The following NALCN variants were observed in gnomAD, a reference collection of about 807,000 sequenced individuals.
The protein encoded by NALCN is sodium leak channel, non-selective, also known as sodium leak channel NALCN.
A neutral mutation model predicts 225.3 loss-of-function variants in NALCN; 111 were observed. The observed-to-expected ratio is 0.49, with a 90% confidence interval of 0.42 to 0.58. The LOEUF (loss-of-function observed/expected upper bound fraction) is 0.58, where lower values mean the gene tolerates loss of function less well. Ranked by LOEUF, NALCN falls within the 20% of genes least tolerant of loss-of-function variation. The pLI is 0.00. For synonymous variants in NALCN, 764 were observed against 769.0 expected (o/e 0.99, Z 0.11); for missense variants, 1,378 against 2,202.4 (o/e 0.63, Z 7.49).
At chr13:101,399,659 G>T (rs1384959404) in intron 1 of NALCN, among the ~76,000 whole-genome samples, 1 of 152,138 alleles carries the variant, frequency 6.6e-6, no homozygotes. Context: ...AACTTGGGAG[G>T]GGAGGGAGGT....
intron 26 of NALCN, 110 bp from the exon 27 acceptor site, chr13:101,100,998 G>T (rs1299234716): frequency 1.2e-6 from 1 of 863,868 alleles, no homozygotes; most frequent in Non-Finnish European, 1.7e-6. Context: ...TAAAAATCAT[G>T]GGTTTTTGAT....
At chr13:101,228,212 C>A (rs1180453856) in intron 13 of NALCN, among the ~76,000 whole-genome samples, 1 of 152,138 alleles carries the variant, frequency 6.6e-6, no homozygotes, top group Non-Finnish European at 1.5e-5. Flanking sequence ...AATTCCAACA[C>A]TGGTAGCTAA....
intron 2 of NALCN, 47 bp from the exon 3 acceptor site, chr13:101,395,412 T>C (rs372184304): frequency 1.6e-4 from 251 of 1,568,930 alleles, no homozygotes; most frequent in Middle Eastern, 5.1e-4. Flanking sequence ...AACTGATATC[T>C]CAAACTTGTA....
chr13:101,057,898 A>G (rs1427931955), intron 43 of NALCN, 41 bp downstream of exon 43: 1 of 1,505,118 alleles, frequency 6.6e-7, no homozygotes. Flanking sequence ...AAATACCTTT[A>G]AAATGCCTCG....
chr13:101,185,606 G>A (rs753252359), intron 14 of NALCN, among the ~76,000 whole-genome samples: 4 of 152,206 alleles, frequency 2.6e-5, no homozygotes, highest in Non-Finnish European at 5.9e-5. Context: ...CATACCTGGC[G>A]GAAGAGAGAG....
intron 15 of NALCN, among the ~76,000 whole-genome samples, chr13:101,172,721 A>G (rs185217912): frequency 1.3e-5 from 2 of 148,284 alleles, no homozygotes; most frequent in Non-Finnish European, 3.0e-5. Flanking sequence ...CACCACGCGC[A>G]GCTAATTTTT....
At chr13:101,302,498 A>T (rs1298539920) in intron 7 of NALCN, among the ~76,000 whole-genome samples, 1 of 152,198 alleles carries the variant, frequency 6.6e-6, no homozygotes, top group Non-Finnish European at 1.5e-5. Flanking sequence ...TAGGGACCAA[A>T]TGTAATTTTA....
intron 15 of NALCN, among the ~76,000 whole-genome samples, chr13:101,148,575 C>T (rs2037473463): frequency 6.6e-6 from 1 of 152,210 alleles, no homozygotes; most frequent in African/African-American, 2.4e-5. Context: ...TCGTTTGACA[C>T]TATATTGTGT....
At chr13:101,119,200 TTA>T in intron 18 of NALCN, among the ~76,000 whole-genome samples, 1 of 152,228 alleles carries the variant, frequency 6.6e-6, no homozygotes, top group Non-Finnish European at 1.5e-5. Flanking sequence ...TACATAGTGA[TTA>T]TATATATATG....
chr13:101,333,873 G>A (rs1211489267), intron 7 of NALCN, among the ~76,000 whole-genome samples: 3 of 152,142 alleles, frequency 2.0e-5, no homozygotes, highest in African/African-American at 7.2e-5. Flanking sequence ...TTTGTTTCAC[G>A]TGAGTATCTG....
intron 17 of NALCN, among the ~76,000 whole-genome samples, chr13:101,134,353 G>C (rs1357730380): frequency 6.6e-6 from 1 of 152,146 alleles, no homozygotes; most frequent in African/African-American, 2.4e-5. Flanking sequence ...TAGGCACCCA[G>C]CACAAGTTGA....
chr13:101,383,445 G>C (rs936591994), intron 3 of NALCN, among the ~76,000 whole-genome samples: 1 of 152,016 alleles, frequency 6.6e-6, no homozygotes, highest in Admixed American at 6.6e-5. Flanking sequence ...GTAAATGTTT[G>C]AGTGTATTCT....
rs560344955 is a variant in NALCN at position 101,277,380 on chromosome 13, A to C, written c.1134+6553T>G. ...ATTTTAACATTTTAAAATGTTAAAAACATAAAATATATGAAAATACTATTT... is the reference window on the plus strand; with the variant it reads ...ATTTTAACATTTTAAAATGTTAAAACCATAAAATATATGAAAATACTATTT... On this transcript the variant is annotated intron_variant, in intron 10 of 43. Transcript: ENST00000251127. 8.5e-5 allele frequency among the ~76,000 whole-genome samples: 13 copies of C among 152,276 alleles called. No homozygotes were observed. The South Asian group carries it at 2.7e-3, about 32-fold the overall frequency.
intron 11 of NALCN, among the ~76,000 whole-genome samples, chr13:101,242,745 A>G (rs145595527): frequency 0.012 from 1,309 of 106,442 alleles, 418 homozygotes; most frequent in African/African-American, 0.041. Context: ...TTCTCAAATA[A>G]ATACAAAGGG....
In NALCN at chr13:101,324,291, T is replaced by C. The variant is rs118126261; in HGVS notation, c.799+20975A>G. 5.4e-3 allele frequency among the ~76,000 whole-genome samples: 830 copies of C among 152,300 alleles called. 1 individual carries two copies. Among genetic ancestry groups the C allele is most frequent in the Non-Finnish European group, 6.4e-3 (436 of 68,006 alleles). Reference sequence around the variant, plus strand: ...TTAACACTGACGAAAGCAAAAAATATAATGTCAATCAGTTAACATTTTAGT... The same window carrying C: ...TTAACACTGACGAAAGCAAAAAATACAATGTCAATCAGTTAACATTTTAGT... On this transcript the variant is annotated intron_variant, in intron 7 of 43. Coordinates refer to ENST00000251127, the MANE Select transcript of NALCN (RefSeq NM_052867.4).
Position 101,124,629 on chromosome 13 carries a change from G to A in NALCN, c.2171C>T (p.Thr724Ile), listed in dbSNP as rs1489513639. ...IRARNLLEKE[T>I]AVTKILRACT... ...TTACCTTAAGATTTTAGTGACTGCG[G>A]TCTCCTTTTCCAGAAGGTTCCTTGC... Residue 724 changes from threonine (T) to isoleucine (I), a missense_variant, in exon 18 of 44, where the codon ACC becomes ATC. This residue lies in a region of NALCN where 100 missense variants were observed against 89.4 expected (regional missense o/e 1.12). Coordinates refer to ENST00000251127, the MANE Select transcript of NALCN (RefSeq NM_052867.4). 1.2e-6 allele frequency: 2 copies of A among 1,613,988 alleles called. No homozygotes were observed. The highest frequency in any genetic ancestry group is 1.7e-6 in the Non-Finnish European group (2 of 1,179,940).
chr13:101,161,272 C>T (rs1223335204), intron 15 of NALCN, among the ~76,000 whole-genome samples: 2 of 152,212 alleles, frequency 1.3e-5, no homozygotes, highest in African/African-American at 4.8e-5. Flanking sequence ...CTATACACAA[C>T]TATTAGGCAT....
In NALCN at chr13:101,160,666, G is replaced by GT. The variant is rs919861714; in HGVS notation, c.1839+15633dup. 1.6e-3 allele frequency among the ~76,000 whole-genome samples: 237 copies of GT among 150,808 alleles called. 1 individual carries two copies. Among genetic ancestry groups the GT allele is most frequent in the African/African-American group, 3.7e-3 (152 of 41,122 alleles). On this transcript the variant is annotated intron_variant, in intron 15 of 43. Transcript: ENST00000251127. Reference sequence around the variant, plus strand: ...CTGTTTTTTGTTTTGTTTTGTTTTTGTTTTTTTTTATGAAGGTGTTTCTTC... The same window carrying GT: ...CTGTTTTTTGTTTTGTTTTGTTTTTGTTTTTTTTTTATGAAGGTGTTTCTTC...
At chr13:101,391,132 T>A (rs1460554505) in intron 3 of NALCN, among the ~76,000 whole-genome samples, 1 of 151,086 alleles carries the variant, frequency 6.6e-6, no homozygotes, top group Admixed American at 6.6e-5. Flanking sequence ...TTAAAAAAAA[T>A]CAACAAAATG....
Sources: allele counts gnomAD v4.1 joint callset (sites outside exome capture counted in the v4.1 genomes callset), GRCh38; gene constraint gnomAD v4.1.1; regional missense constraint gnomAD v4.1.1; transcripts MANE v1.5; gene names NCBI Gene and HGNC (gene_info 2026-07-23, HGNC 2026-07-21).